The following CNTNAP2 variants were observed in gnomAD, a reference collection of about 807,000 sequenced individuals.
CNTNAP2 encodes contactin associated protein 2.
CNTNAP2 carries 98 observed loss-of-function variants against 155.2 expected under a neutral mutation model. The observed-to-expected ratio is 0.63, with a 90% CI of 0.54 to 0.75. The LOEUF (loss-of-function observed/expected upper bound fraction) is 0.75. Ranked by LOEUF, CNTNAP2 falls within the 30% of genes least tolerant of loss-of-function variation. The pLI, the probability that CNTNAP2 is intolerant of heterozygous loss-of-function variation, is 0.00. For synonymous variants in CNTNAP2, 651 were observed against 631.2 expected, an observed-to-expected ratio of 1.03 and a Z score of -0.47; for missense variants, 1,727 against 1,688.1, an observed-to-expected ratio of 1.02 and a Z score of -0.40.
intron 11 of CNTNAP2, among the ~76,000 whole-genome samples, chr7:147,530,917 T>G (rs2116724959): frequency 6.6e-6 from 1 of 152,306 alleles, no homozygotes; most frequent in South Asian, 2.1e-4. Context: ...TACAATAGGA[T>G]TACAGGTTTT....
At chr7:147,135,402 A>C (rs1334870117) in intron 8 of CNTNAP2, among the ~76,000 whole-genome samples, 1 of 151,902 alleles carries the variant, frequency 6.6e-6, no homozygotes, top group African/African-American at 2.4e-5. Flanking sequence ...ACTTTTTGAA[A>C]TAAGTTTTTA....
intron 1 of CNTNAP2, among the ~76,000 whole-genome samples, chr7:146,734,006 T>C (rs1013921261): frequency 5.3e-5 from 8 of 152,146 alleles, no homozygotes; most frequent in African/African-American, 1.9e-4. Context: ...ATTAATTTCT[T>C]ATAGATATTT....
chr7:146,121,964 C>A (rs149320329), intron 1 of CNTNAP2, among the ~76,000 whole-genome samples: 21 of 152,256 alleles, frequency 1.4e-4, no homozygotes, highest in African/African-American at 5.1e-4. Context: ...CTCCTGGGCT[C>A]TGTAGAAGCT....
chr7:148,112,190 G>A (rs957439920), intron 15 of CNTNAP2, among the ~76,000 whole-genome samples: 4 of 152,086 alleles, frequency 2.6e-5, no homozygotes, highest in Non-Finnish European at 5.9e-5. Flanking sequence ...GAGAGAATTC[G>A]TGGCAGATAC....
intron 13 of CNTNAP2, among the ~76,000 whole-genome samples, chr7:147,720,939 TGGCTTG>T (rs1796558415): frequency 2.0e-5 from 3 of 152,120 alleles, no homozygotes; most frequent in Non-Finnish European, 4.4e-5. Flanking sequence ...AGTTATAGGG[TGGCTTG>T]GTGGCTTGGT....
At chr7:147,633,546 G>A (rs543986777) in intron 12 of CNTNAP2, among the ~76,000 whole-genome samples, 3 of 152,264 alleles carry the variant, frequency 2.0e-5, no homozygotes, top group African/African-American at 7.2e-5. Context: ...GGAGGGGCCA[G>A]GAGAAGAATG....
intron 1 of CNTNAP2, among the ~76,000 whole-genome samples, chr7:146,236,665 G>T (rs1346213594): frequency 6.6e-6 from 1 of 152,094 alleles, no homozygotes; most frequent in Non-Finnish European, 1.5e-5. Flanking sequence ...ACCGATGAGA[G>T]CAGCAAATTA....
chr7:146,925,574 G>A (rs1419664676), intron 3 of CNTNAP2, among the ~76,000 whole-genome samples: 1 of 152,064 alleles, frequency 6.6e-6, no homozygotes, highest in Admixed American at 6.6e-5. Context: ...TTGATCATTA[G>A]TGAGGGAGGA....
At chr7:147,818,952 C>T (rs1037267761) in intron 13 of CNTNAP2, among the ~76,000 whole-genome samples, 2 of 152,052 alleles carry the variant, frequency 1.3e-5, no homozygotes, top group African/African-American at 4.8e-5. Flanking sequence ...AATGTTAAGT[C>T]AAGCAGAACT....
intron 4 of CNTNAP2, 128 bp from the exon 5 acceptor site, chr7:147,108,019 A>C (rs1481486650): frequency 2.2e-5 from 18 of 806,090 alleles, no homozygotes; most frequent in Non-Finnish European, 3.4e-5. Flanking sequence ...ATAGAAGAAA[A>C]ACAGAGGACT....
At chr7:147,540,783 A>G (rs147152352) in intron 11 of CNTNAP2, among the ~76,000 whole-genome samples, 1 of 151,920 alleles carries the variant, frequency 6.6e-6, no homozygotes, top group Non-Finnish European at 1.5e-5. Flanking sequence ...ATGAGCCGAG[A>G]TGGTGCCACT....
intron 13 of CNTNAP2, among the ~76,000 whole-genome samples, chr7:147,774,017 T>C (rs1478174800): frequency 6.6e-6 from 1 of 152,112 alleles, no homozygotes; most frequent in Non-Finnish European, 1.5e-5. Flanking sequence ...TTTGTTGTTT[T>C]CTCTGCTTGG....
intron 2 of CNTNAP2, among the ~76,000 whole-genome samples, chr7:146,808,779 A>G (rs1009547873): frequency 3.9e-5 from 6 of 152,200 alleles, no homozygotes; most frequent in Non-Finnish European, 7.3e-5. Context: ...GATTCCACTT[A>G]TAAGTGAGAT....
intron 1 of CNTNAP2, among the ~76,000 whole-genome samples, chr7:146,545,555 T>G (rs1798016817): frequency 6.6e-6 from 1 of 151,816 alleles, no homozygotes; most frequent in Non-Finnish European, 1.5e-5. Flanking sequence ...TGTGTTCTTA[T>G]TGTCCAACTC....
intron 1 of CNTNAP2, among the ~76,000 whole-genome samples, chr7:146,614,374 A>G (rs1161494663): frequency 6.6e-6 from 1 of 152,238 alleles, no homozygotes; most frequent in Non-Finnish European, 1.5e-5. Flanking sequence ...TACTGATACT[A>G]TACATGAATT....
intron 3 of CNTNAP2, among the ~76,000 whole-genome samples, chr7:146,933,717 A>G (rs540946027): frequency 9.9e-5 from 15 of 151,668 alleles, no homozygotes; most frequent in African/African-American, 3.1e-4. Flanking sequence ...TCCAGAATCT[A>G]CAATGAACTC....
intron 13 of CNTNAP2, among the ~76,000 whole-genome samples, chr7:147,823,202 G>C (rs1315735110): frequency 1.3e-5 from 2 of 152,114 alleles, no homozygotes; most frequent in African/African-American, 4.8e-5. Context: ...TTCTGCCTTT[G>C]TAATGGAGGC....
chr7:146,233,656 C>T (rs1306154877), intron 1 of CNTNAP2, among the ~76,000 whole-genome samples: 1 of 152,046 alleles, frequency 6.6e-6, no homozygotes, highest in Non-Finnish European at 1.5e-5. Flanking sequence ...TGATGTTCCC[C>T]TTCCTGTGTC....
chr7:147,270,678 A>G (rs531692882), intron 8 of CNTNAP2, among the ~76,000 whole-genome samples: 2 of 152,320 alleles, frequency 1.3e-5, no homozygotes, highest in East Asian at 3.9e-4. Flanking sequence ...AATGATTGTC[A>G]CACAGGTGTT....
Sources: gnomAD v4.1 joint callset for allele counts (sites outside exome capture counted in the v4.1 genomes callset) on GRCh38, gnomAD v4.1.1 for gene constraint, MANE v1.5 for transcripts, NCBI Gene and HGNC (gene_info 2026-07-23, HGNC 2026-07-21) for gene names.